PRDM16: variants seen among roughly 807,000 people sequenced by gnomAD.
PRDM16 encodes PR/SET domain 16.
In PRDM16, 23 loss-of-function variants were observed where a neutral mutation model predicts 110.6. That is an observed-to-expected ratio of 0.21 (90% CI 0.15 to 0.29). The LOEUF is 0.29. Ranked by LOEUF, PRDM16 falls within the 10% of genes least tolerant of loss-of-function variation. The pLI, the probability that PRDM16 is intolerant of heterozygous loss-of-function variation, is 1.00. For synonymous variants in PRDM16, 799 were observed against 781.8 expected, an observed-to-expected ratio of 1.02 and a Z score of -0.37; for missense variants, 1,615 against 1,794.3, an observed-to-expected ratio of 0.90 and a Z score of 1.81.
chr1:3,310,893 GAC>G (rs970382524), intron 3 of PRDM16, among the ~76,000 whole-genome samples: 9 of 149,388 alleles, frequency 6.0e-5, no homozygotes, highest in Non-Finnish European at 3.0e-5. Context: ...GTGTGTGTGA[GAC>G]ATGTGGGCAT....
chr1:3,194,650 C>T (rs573030964), intron 2 of PRDM16, among the ~76,000 whole-genome samples: 1 of 150,056 alleles, frequency 6.7e-6, no homozygotes, highest in Admixed American at 6.9e-5. Flanking sequence ...CGCCACACGC[C>T]ACCGTCTCCC....
chr1:3,270,355 C>T (rs531636466), intron 3 of PRDM16, among the ~76,000 whole-genome samples: 65 of 128,540 alleles, frequency 5.1e-4, no homozygotes, highest in African/African-American at 1.6e-3. Flanking sequence ...AGGACAGTCC[C>T]GGAGGAGGAC....
At chr1:3,331,358 T>C (rs1057228665) in intron 3 of PRDM16, among the ~76,000 whole-genome samples, 1 of 151,978 alleles carries the variant, frequency 6.6e-6, no homozygotes, top group Non-Finnish European at 1.5e-5. Flanking sequence ...CCCGAGTCCA[T>C]TGATGAATGG....
chr1:3,233,622 C>T (rs1273071330), intron 2 of PRDM16, among the ~76,000 whole-genome samples: 1 of 152,216 alleles, frequency 6.6e-6, no homozygotes, highest in Non-Finnish European at 1.5e-5. Flanking sequence ...AGCAGGCCTG[C>T]AGTAGCCTCC....
chr1:3,298,831 A>G (rs1641145726), intron 3 of PRDM16, among the ~76,000 whole-genome samples: 2 of 152,140 alleles, frequency 1.3e-5, no homozygotes, highest in Admixed American at 6.5e-5. Context: ...TTCTCCAACC[A>G]CGTTTGGCCA....
chr1:3,205,227 G>A (rs963448344), intron 2 of PRDM16, among the ~76,000 whole-genome samples: 1 of 152,094 alleles, frequency 6.6e-6, no homozygotes, highest in Non-Finnish European at 1.5e-5. Context: ...CAGCAGGAAT[G>A]GTGCAGCCAC....
chr1:3,162,276 G>C (rs1018128740), intron 1 of PRDM16, among the ~76,000 whole-genome samples: 1 of 151,936 alleles, frequency 6.6e-6, no homozygotes, highest in Non-Finnish European at 1.5e-5. Flanking sequence ...CCCTCCTCCC[G>C]AGTCCCGGGA....
intron 1 of PRDM16, among the ~76,000 whole-genome samples, chr1:3,070,101 C>T (rs1229254092): frequency 6.6e-6 from 1 of 152,054 alleles, no homozygotes; most frequent in Non-Finnish European, 1.5e-5. Flanking sequence ...CCTCCCGACC[C>T]GCCGCTGCCG....
chr1:3,131,737 T>G (rs1298061073), intron 1 of PRDM16, among the ~76,000 whole-genome samples: 1 of 152,206 alleles, frequency 6.6e-6, no homozygotes, highest in Non-Finnish European at 1.5e-5. Context: ...GATGGTGTGG[T>G]GCAGGCCGCA....
intron 3 of PRDM16, among the ~76,000 whole-genome samples, chr1:3,271,200 T>A (rs1640445768): frequency 6.6e-6 from 1 of 152,188 alleles, no homozygotes; most frequent in African/African-American, 2.4e-5. Flanking sequence ...AAAGCCCCAG[T>A]CCTCTTATAC....
At chr1:3,181,765 CACAGTCTTACACAT>C (rs1255835680) in intron 1 of PRDM16, among the ~76,000 whole-genome samples, 1 of 148,046 alleles carries the variant, frequency 6.8e-6, no homozygotes, top group Non-Finnish European at 1.5e-5. Context: ...CGGTCTTACA[CACAGTCTTACACAT>C]GCAGTCTTAC....
chr1:3,124,665 A>T (rs1370619570), intron 1 of PRDM16, among the ~76,000 whole-genome samples: 2 of 152,220 alleles, frequency 1.3e-5, no homozygotes, highest in Non-Finnish European at 2.9e-5. Context: ...AGCGGAAGGA[A>T]GAATGAGGGC....
intron 1 of PRDM16, among the ~76,000 whole-genome samples, chr1:3,139,846 C>A (rs1316721269): frequency 3.3e-5 from 5 of 152,224 alleles, no homozygotes; most frequent in African/African-American, 1.2e-4. Context: ...AAAGACGGTC[C>A]TAAGACACCC....
intron 1 of PRDM16, among the ~76,000 whole-genome samples, chr1:3,087,211 C>G (rs2472825): frequency 2.0e-5 from 3 of 149,066 alleles, no homozygotes; most frequent in African/African-American, 2.5e-5. Flanking sequence ...CAGCCCCACC[C>G]GAGACCAGCC....
intron 1 of PRDM16, among the ~76,000 whole-genome samples, chr1:3,100,681 T>G (rs1284251320): frequency 1.3e-5 from 2 of 152,126 alleles, no homozygotes; most frequent in Non-Finnish European, 2.9e-5. Flanking sequence ...GGGAGGAGCT[T>G]TCCCCGAGTG....
intron 1 of PRDM16, among the ~76,000 whole-genome samples, chr1:3,123,386 G>A (rs892821598): frequency 7.2e-5 from 11 of 152,226 alleles, no homozygotes; most frequent in Non-Finnish European, 1.0e-4. Flanking sequence ...TGTGGCACCC[G>A]TGCAGAGGGG....
In PRDM16 at chr1:3,417,889, C is replaced by T. The variant is rs556571848; in HGVS notation, c.2753C>T (p.Ser918Leu). Reference sequence around the variant, plus strand: ...AGCTTTGCAGCCATGAAGGCGGACTCGGGCAGCTCCCTGCAGCCCCTCCCC... The same window carrying T: ...AGCTTTGCAGCCATGAAGGCGGACTTGGGCAGCTCCCTGCAGCCCCTCCCC... Reference protein sequence around the residue: ...LESFAAMKADSGSSLQPLPHH... With the variant: ...LESFAAMKADLGSSLQPLPHH... Residue 918 changes from serine (S) to leucine (L), a missense_variant, in exon 11 of 17, where the codon TCG becomes TTG. Coordinates refer to ENST00000270722, the MANE Select transcript of PRDM16 (RefSeq NM_022114.4). 13 of 1,613,548 alleles carry T rather than the reference C, an allele frequency of 8.1e-6. No individual in the cohort carries two copies. Among genetic ancestry groups the T allele is most frequent in the East Asian group, 6.7e-5 (3 of 44,882 alleles).
At chr1:3,118,257 C>G (rs1488621012) in intron 1 of PRDM16, among the ~76,000 whole-genome samples, 1 of 152,210 alleles carries the variant, frequency 6.6e-6, no homozygotes, top group Admixed American at 6.5e-5. Flanking sequence ...ACAGAGCTAT[C>G]CCCAGAAGGC....
At chr1:3,182,025 ATGC>A (rs1330830375) in intron 1 of PRDM16, among the ~76,000 whole-genome samples, 4 of 152,334 alleles carry the variant, frequency 2.6e-5, no homozygotes, top group African/African-American at 9.6e-5. Flanking sequence ...TGTCTTACAC[ATGC>A]TTACACACGG....
Sources: gnomAD v4.1 joint callset for allele counts (sites outside exome capture counted in the v4.1 genomes callset) on GRCh38, gnomAD v4.1.1 for gene constraint, MANE v1.5 for transcripts, NCBI Gene and HGNC (gene_info 2026-07-23, HGNC 2026-07-21) for gene names.